The following TCF12 variants were observed in gnomAD, a reference collection of about 807,000 sequenced individuals.
The protein encoded by TCF12 is transcription factor 12.
TCF12 carries 45 observed loss-of-function variants against 86.0 expected under a neutral mutation model. That is an observed-to-expected ratio of 0.52 (90% CI 0.41 to 0.67). TCF12 has a LOEUF of 0.67. Ranked by LOEUF, TCF12 falls within the 30% of genes least tolerant of loss-of-function variation. The pLI is 0.00. For synonymous variants in TCF12, 330 were observed against 299.6 expected (o/e 1.10, Z -1.05); for missense variants, 881 against 859.9 (o/e 1.02, Z -0.31).
Position 57,231,162 on chromosome 15 carries a change from C to T in TCF12, c.590C>T (p.Pro197Leu), listed in dbSNP as rs761548115. Reference protein sequence around the residue: ...PPGLPSSVYAPSPNSDDFNRE... With the variant: ...PPGLPSSVYALSPNSDDFNRE... ...CTGTTTAATTTTAAGGTATATGCACCATCCCCAAATTCAGATGATTTCAAC... is the reference window on the plus strand; with the variant it reads ...CTGTTTAATTTTAAGGTATATGCACTATCCCCAAATTCAGATGATTTCAAC... The change falls in exon 9 of 21, where the codon CCA becomes CTA. Residue 197 changes from proline to leucine, a missense_variant. Transcript: ENST00000333725. 8 of 1,611,524 alleles carry T rather than the reference C, an allele frequency of 5.0e-6. No homozygotes were observed. Among genetic ancestry groups the T allele is most frequent in the Non-Finnish European group, 5.9e-6 (7 of 1,178,298 alleles).
intron 5 of TCF12, among the ~76,000 whole-genome samples, chr15:57,154,397 G>A (rs1397320516): frequency 6.6e-6 from 1 of 152,090 alleles, no homozygotes; most frequent in Non-Finnish European, 1.5e-5. Context: ...ACTAAACTTG[G>A]GACCATCAGA....
At position 57,162,196 on chromosome 15, in the gene TCF12, C is replaced by T. The variant is rs183489311; in HGVS notation, c.326-4206C>T. On this transcript the variant is annotated intron_variant, in intron 5 of 20. Coordinates refer to ENST00000333725, the MANE Select transcript of TCF12 (RefSeq NM_207037.2). ...TTAAACTGTTTTCAGCTGAAGTTGACTGGTTAAAATTGTCTATACTTCATT... is the reference window on the plus strand; with the variant it reads ...TTAAACTGTTTTCAGCTGAAGTTGATTGGTTAAAATTGTCTATACTTCATT... Among the ~76,000 whole-genome samples, 151 of 150,730 alleles carry T rather than the reference C, an allele frequency of 1.0e-3. 2 individuals carry two copies. The highest frequency in any genetic ancestry group is 1.5e-3 in the Non-Finnish European group (100 of 67,852).
chr15:57,154,303 T>A (rs1299583009), intron 5 of TCF12, among the ~76,000 whole-genome samples: 1 of 152,114 alleles, frequency 6.6e-6, no homozygotes, highest in Non-Finnish European at 1.5e-5. Context: ...CTGGCGCTCC[T>A]TTTTACTGAA....
At chr15:57,004,709 C>G (rs113067785) in intron 3 of TCF12, among the ~76,000 whole-genome samples, 42 of 151,996 alleles carry the variant, frequency 2.8e-4, no homozygotes, top group Non-Finnish European at 8.8e-5. Flanking sequence ...GCGACCGACC[C>G]TATGCCAAGC....
chr15:57,166,328 T>C lies in TCF12; in HGVS notation c.326-74T>C. On this transcript the variant is annotated intron_variant, in intron 5 of 20. Coordinates refer to ENST00000333725, the MANE Select transcript of TCF12 (RefSeq NM_207037.2). The stretch of plus-strand genomic sequence containing the variant: ...TTTTAAAACTGCAATATAATTACCA[T>C]GAATAGTCTAGCAGTTTGATTGTCT... 6 of 1,197,716 alleles carry C rather than the reference T, an allele frequency of 5.0e-6. No individual in the cohort carries two copies. The South Asian group carries it at 8.5e-5, about 17-fold the overall frequency. 74.2% of individuals were successfully genotyped at this position (1,197,716 alleles called of 1,614,324 possible).
intron 8 of TCF12, among the ~76,000 whole-genome samples, chr15:57,200,984 C>T (rs1236127165): frequency 6.6e-6 from 1 of 152,060 alleles, no homozygotes; most frequent in Admixed American, 6.5e-5. Context: ...TTCGAAGTTC[C>T]TTTCAGGTCT....
In TCF12 at chr15:57,192,311, C is replaced by A; in HGVS notation, c.526+18C>A. 2 of 1,612,114 alleles carry A rather than the reference C, an allele frequency of 1.2e-6. No homozygotes were observed. Among genetic ancestry groups the A allele is most frequent in the African/African-American group, 1.3e-5 (1 of 74,906 alleles). On this transcript the variant is annotated intron_variant, in intron 7 of 20. Transcript: ENST00000333725. ...AGCGCTTGGTGAGTGTATCACACAACAAATCCCATCCCACATATGTTGTTG... is the reference window on the plus strand; with the variant it reads ...AGCGCTTGGTGAGTGTATCACACAAAAAATCCCATCCCACATATGTTGTTG...
At chr15:56,965,346 C>G (rs1015788648) in intron 3 of TCF12, among the ~76,000 whole-genome samples, 2 of 151,936 alleles carry the variant, frequency 1.3e-5, no homozygotes, top group Non-Finnish European at 2.9e-5. Context: ...AATATTGAAA[C>G]AGTAACCCAG....
At chr15:57,272,888 C>G in intron 18 of TCF12, 142 bp from the exon 19 acceptor site, 1 of 746,696 alleles carries the variant, frequency 1.3e-6, no homozygotes. Context: ...AATATACAGT[C>G]ATGTTAACTG....
intron 3 of TCF12, among the ~76,000 whole-genome samples, chr15:56,939,967 GTTTTTTTTT>G (rs67832685): frequency 6.0e-4 from 63 of 104,702 alleles, no homozygotes; most frequent in South Asian, 1.6e-3. Flanking sequence ...TTAATAGCGT[GTTTTTTTTT>G]TTTTTTTTTT....
intron 12 of TCF12, among the ~76,000 whole-genome samples, chr15:57,236,272 G>A (rs765358337): frequency 1.3e-5 from 2 of 151,988 alleles, no homozygotes; most frequent in South Asian, 2.1e-4. Flanking sequence ...TTACAGACTC[G>A]CATTCACTTT....
chr15:57,251,718 A>G (rs1304910198), intron 14 of TCF12, among the ~76,000 whole-genome samples: 1 of 152,148 alleles, frequency 6.6e-6, no homozygotes, highest in East Asian at 1.9e-4. Flanking sequence ...GTCTACATAT[A>G]AAGGGAAACT....
chr15:57,063,940 T>G, intron 4 of TCF12, 117 bp downstream of exon 4: 1 of 785,456 alleles, frequency 1.3e-6, no homozygotes, highest in Non-Finnish European at 2.1e-6. Context: ...GGAAATGCAG[T>G]AGAATACCTA....
intron 5 of TCF12, among the ~76,000 whole-genome samples, chr15:57,131,180 T>C (rs1422331431): frequency 2.6e-5 from 4 of 152,164 alleles, no homozygotes; most frequent in African/African-American, 9.7e-5. Flanking sequence ...TGTCTTCTGG[T>C]GGTCGCACAA....
At chr15:57,083,857 A>G (rs1232667822) in intron 4 of TCF12, among the ~76,000 whole-genome samples, 11 of 152,212 alleles carry the variant, frequency 7.2e-5, no homozygotes, top group African/African-American at 2.7e-4. Flanking sequence ...TTGGGATTAC[A>G]GGTGTGAGCG....
At chr15:56,970,555 T>C (rs2062253641) in intron 3 of TCF12, among the ~76,000 whole-genome samples, 1 of 148,360 alleles carries the variant, frequency 6.7e-6, no homozygotes, top group African/African-American at 2.5e-5. Flanking sequence ...GAGATCCCAA[T>C]GTAAAAGAAT....
intron 8 of TCF12, among the ~76,000 whole-genome samples, chr15:57,199,292 A>G (rs1479276225): frequency 6.6e-6 from 1 of 152,204 alleles, no homozygotes; most frequent in Non-Finnish European, 1.5e-5. Flanking sequence ...AGCATAACAG[A>G]TGATTTCTGT....
chr15:56,999,244 C>G (rs535825207), intron 3 of TCF12, among the ~76,000 whole-genome samples: 2 of 148,194 alleles, frequency 1.3e-5, no homozygotes, highest in Non-Finnish European at 3.0e-5. Context: ...AGTCAAAGAA[C>G]AAATAAACCC....
chr15:57,095,156 A>G (rs78595511), intron 5 of TCF12, among the ~76,000 whole-genome samples: 360 of 152,324 alleles, frequency 2.4e-3, no homozygotes, highest in Non-Finnish European at 4.4e-3. Context: ...TTTTTGGCAC[A>G]TCACTAGGTA....
Sources: gnomAD v4.1 joint callset for allele counts (sites outside exome capture counted in the v4.1 genomes callset) on GRCh38, gnomAD v4.1.1 for gene constraint, MANE v1.5 for transcripts, NCBI Gene and HGNC (gene_info 2026-07-23, HGNC 2026-07-21) for gene names.